Variants in ADARB2 observed in about 807,000 individuals in gnomAD.
ADARB2 encodes the protein adenosine deaminase RNA specific B2 (inactive), also known as inactive double-stranded RNA-specific editase B2.
Under a neutral mutation model 62.2 loss-of-function variants are expected in ADARB2, and 25 were observed. The observed-to-expected ratio is 0.40, with a 90% CI of 0.29 to 0.56. The LOEUF is 0.56. Among genes scored for constraint, ADARB2 ranks in the 20% least tolerant of loss-of-function variants. ADARB2 has a pLI of 0.43. For missense variants in ADARB2, 1,071 were observed against 1,077.4 expected, an observed-to-expected ratio of 0.99 and a Z score of 0.08; for synonymous variants, 572 against 500.8, an observed-to-expected ratio of 1.14 and a Z score of -1.90.
intron 3 of ADARB2, among the ~76,000 whole-genome samples, chr10:1,296,968 T>A (rs758214061): frequency 6.6e-6 from 1 of 152,204 alleles, no homozygotes; most frequent in Non-Finnish European, 1.5e-5. Context: ...CTCCCATCTC[T>A]CCAGTATTTT....
At chr10:1,285,283 C>A (rs574384089) in intron 3 of ADARB2, among the ~76,000 whole-genome samples, 106 of 152,188 alleles carry the variant, frequency 7.0e-4, no homozygotes, top group African/African-American at 2.4e-3. Context: ...AAAGAGCTCA[C>A]ACCGTGGGGA....
intron 4 of ADARB2, among the ~76,000 whole-genome samples, chr10:1,249,045 T>G (rs527920989): frequency 2.0e-4 from 30 of 152,304 alleles, no homozygotes; most frequent in African/African-American, 7.2e-4. Context: ...CAGAGGACCC[T>G]CAGTTAGACA....
rs189440579 is a variant in ADARB2 at position 1,554,401 on chromosome 10, A to T, written c.101-175241T>A. 1.1e-3 allele frequency among the ~76,000 whole-genome samples: 173 copies of T among 152,282 alleles called. 1 individual carries two copies. Among genetic ancestry groups the T allele is most frequent in the Admixed American group, 3.5e-3 (54 of 15,298 alleles). ...CGGTTGGGCTGTCACAGAACCATCA[A>T]TGAATGCTGTCTCTTCCCTGGTGTA... is the stretch of plus-strand genomic sequence containing the variant. On this transcript the variant is annotated intron_variant, in intron 1 of 9. Transcript: ENST00000381312.
intron 3 of ADARB2, among the ~76,000 whole-genome samples, chr10:1,286,509 G>A (rs145622623): frequency 2.0e-5 from 3 of 152,258 alleles, no homozygotes; most frequent in East Asian, 3.9e-4. Flanking sequence ...ATTACCTAAA[G>A]GCGGATGGCA....
intron 6 of ADARB2, among the ~76,000 whole-genome samples, chr10:1,232,164 T>G (rs1227621346): frequency 2.0e-5 from 3 of 150,850 alleles, no homozygotes; most frequent in Non-Finnish European, 4.4e-5. Flanking sequence ...ACCACACACA[T>G]AGCACACACA....
intron 1 of ADARB2, among the ~76,000 whole-genome samples, chr10:1,582,301 G>A (rs1833114909): frequency 1.3e-5 from 2 of 152,140 alleles, no homozygotes; most frequent in African/African-American, 4.8e-5. Flanking sequence ...GGGCCTCGCT[G>A]CCTCCCATGC....
chr10:1,276,944 T>C (rs1410758742), intron 3 of ADARB2, among the ~76,000 whole-genome samples: 1 of 152,216 alleles, frequency 6.6e-6, no homozygotes, highest in Non-Finnish European at 1.5e-5. Flanking sequence ...AACTCAGGAT[T>C]AAGAAACTCA....
At chr10:1,419,396 C>G (rs1179802427) in intron 1 of ADARB2, among the ~76,000 whole-genome samples, 1 of 152,164 alleles carries the variant, frequency 6.6e-6, no homozygotes, top group Non-Finnish European at 1.5e-5. Context: ...ATAATTTTAG[C>G]TTAGAATTTA....
chr10:1,386,804 T>C (rs1468052904), intron 1 of ADARB2, among the ~76,000 whole-genome samples: 1 of 151,912 alleles, frequency 6.6e-6, no homozygotes, highest in Non-Finnish European at 1.5e-5. Context: ...ACAGCTAACT[T>C]GACCTAAGTT....
At chr10:1,584,145 A>C (rs779737522) in intron 1 of ADARB2, among the ~76,000 whole-genome samples, 6 of 152,238 alleles carry the variant, frequency 3.9e-5, no homozygotes, top group Non-Finnish European at 8.8e-5. Flanking sequence ...AATGGGACTT[A>C]ATTTAAAAAC....
At chr10:1,220,739 C>A (rs1830687646) in intron 6 of ADARB2, among the ~76,000 whole-genome samples, 1 of 152,016 alleles carries the variant, frequency 6.6e-6, no homozygotes, top group South Asian at 2.1e-4. Context: ...TTGAAAGTTG[C>A]CTATTATATT....
intron 7 of ADARB2, among the ~76,000 whole-genome samples, chr10:1,209,648 C>T (rs915876823): frequency 6.6e-6 from 1 of 150,588 alleles, no homozygotes; most frequent in Non-Finnish European, 1.5e-5. Context: ...CACTCATGCC[C>T]ATGCCTGCAC....
At chr10:1,711,113 G>A (rs369843210) in intron 1 of ADARB2, among the ~76,000 whole-genome samples, 37 of 152,284 alleles carry the variant, frequency 2.4e-4, no homozygotes, top group South Asian at 1.9e-3. Context: ...CAGGGACACG[G>A]GTACCTAACC....
Position 1,188,570 on chromosome 10 carries a change from C to T in ADARB2, c.1865-3531G>A, listed in dbSNP as rs12260796. On this transcript the variant is annotated intron_variant, in intron 8 of 9. Transcript: ENST00000381312. The stretch of plus-strand genomic sequence containing the variant: ...CAAAAGAAAAACTTCCCAAGGCAGC[C>T]TGGAAGAATAGCAGTCCTTTTTTTT... 1.1e-3 allele frequency among the ~76,000 whole-genome samples: 172 copies of T among 151,418 alleles called. 2 individuals are homozygous for T. Among genetic ancestry groups the T allele is most frequent in the African/African-American group, 3.9e-3 (161 of 41,246 alleles).
chr10:1,304,790 G>A (rs866402743), intron 3 of ADARB2, among the ~76,000 whole-genome samples: 133 of 148,418 alleles, frequency 9.0e-4, no homozygotes, highest in African/African-American at 3.0e-3. Context: ...GGTACATAAC[G>A]AAATGAAGGC....
In ADARB2 at chr10:1,183,243, T is replaced by A; in HGVS notation, c.2170A>T (p.Thr724Ser). 6.2e-7 allele frequency: 1 copy of A among 1,613,952 alleles called. No individual in the cohort carries two copies. The highest frequency in any genetic ancestry group is 1.3e-5 in the African/African-American group (1 of 75,028). Residue 724 changes from threonine (T) to serine (S), a missense_variant, in exon 10 of 10, where the codon ACC becomes TCC. Coordinates refer to ENST00000381312, the MANE Select transcript of ADARB2 (RefSeq NM_018702.4). Reference protein sequence around the residue: ...FKAFQKAGLGTWVRKPPEQQQ... With the variant: ...FKAFQKAGLGSWVRKPPEQQQ... ...TGCTCCGGTGGTTTCCTCACCCAGG[T>A]GCCCAGGCCAGCCTTCTGAAAGGCC...
chr10:1,199,621 C>CCAGGTGGGCAGGTGGGCAGGTGGG (rs72464426), intron 8 of ADARB2: 2 of 238,410 alleles, frequency 8.4e-6, no homozygotes, highest in Non-Finnish European at 1.6e-5. Context: ...CTGTGGGCGG[C>CCAGGTGGGCAGGTGGGCAGGTGGG]CAGGTGGGCA....
intron 6 of ADARB2, among the ~76,000 whole-genome samples, chr10:1,232,598 G>GTGGTATA (rs1830818205): frequency 7.8e-5 from 5 of 64,080 alleles, no homozygotes. Context: ...TGTGGTATAT[G>GTGGTATA]TGGTATGTGT....
chr10:1,326,764 T>C (rs1279517263), intron 3 of ADARB2, among the ~76,000 whole-genome samples: 1 of 107,386 alleles, frequency 9.3e-6, no homozygotes, highest in African/African-American at 3.5e-5. Context: ...ACGGCGCCTC[T>C]GGTAGCACAG....
Sources: allele counts gnomAD v4.1 joint callset (sites outside exome capture counted in the v4.1 genomes callset), GRCh38; gene constraint gnomAD v4.1.1; transcripts MANE v1.5; gene names NCBI Gene and HGNC (gene_info 2026-07-23, HGNC 2026-07-21).